UBE3C: variants seen among roughly 807,000 people sequenced by gnomAD.
UBE3C encodes ubiquitin-protein ligase E3C.
UBE3C carries 42 observed loss-of-function variants against 129.4 expected under a neutral mutation model. The ratio of observed to expected loss-of-function variants is 0.32; its 90% CI spans 0.25 to 0.42. UBE3C has a LOEUF of 0.42. Among genes scored for constraint, UBE3C ranks in the 10% least tolerant of loss-of-function variants. UBE3C has a pLI of 1.00. For missense variants in UBE3C, 1,049 were observed against 1,319.1 expected, an observed-to-expected ratio of 0.80 and a Z score of 3.17; for synonymous variants, 510 against 492.4, an observed-to-expected ratio of 1.04 and a Z score of -0.47.
rs760355390 is a variant in UBE3C at position 157,225,472 on chromosome 7, A to G, written c.2166A>G (p.Gly722=). 6.2e-7 allele frequency: 1 copy of G among 1,604,924 alleles called. No individual in the cohort carries two copies. The highest frequency in any genetic ancestry group is 8.5e-7 in the Non-Finnish European group (1 of 1,177,822). The change falls in exon 17 of 23, where the codon GGA becomes GGG. Residue 722 remains glycine, a synonymous_variant. Transcript: ENST00000348165. ...AAGGAGATGGTCCATTTCTGGATGG[A>G]ATTAATGTCACAATAAGAAGAAATT... is the stretch of plus-strand genomic sequence containing the variant. ...EVQGDGPFLD[G]INVTIRRNYI... is the part of the protein sequence containing the mutation.
At chr7:157,240,180 A>G (rs377294099) in intron 18 of UBE3C, among the ~76,000 whole-genome samples, 1 of 151,926 alleles carries the variant, frequency 6.6e-6, no homozygotes, top group Non-Finnish European at 1.5e-5. Context: ...TCAGCCTCCC[A>G]AGTAACTGGG....
At chr7:157,201,331 AT>A (rs2116986125) in intron 10 of UBE3C, among the ~76,000 whole-genome samples, 1 of 152,318 alleles carries the variant, frequency 6.6e-6, no homozygotes, top group East Asian at 1.9e-4. Context: ...CTCAAAAAAA[AT>A]AAAAAGAAAA....
At chr7:157,206,065 G>A (rs916049901) in intron 11 of UBE3C, among the ~76,000 whole-genome samples, 79 of 152,320 alleles carry the variant, frequency 5.2e-4, no homozygotes, top group Admixed American at 3.7e-3. Context: ...GGAGATAAGA[G>A]AGTGATCTTG....
intron 18 of UBE3C, among the ~76,000 whole-genome samples, chr7:157,247,457 C>T (rs1262292418): frequency 1.3e-5 from 2 of 152,102 alleles, no homozygotes; most frequent in Non-Finnish European, 2.9e-5. Context: ...TCTGGGAGGC[C>T]GAAGTGGGTG....
At chr7:157,220,973 A>G in intron 15 of UBE3C, 197 bp downstream of exon 15, 1 of 545,792 alleles carries the variant, frequency 1.8e-6, no homozygotes. Context: ...GCAGCCACCC[A>G]TTTCTGTTTT....
At chr7:157,216,846 G>A (rs745849593) in intron 13 of UBE3C, 21 bp from the exon 14 acceptor site, 22 of 1,588,272 alleles carry the variant, frequency 1.4e-5, no homozygotes, top group African/African-American at 6.7e-5. Flanking sequence ...TGTGTGACGC[G>A]GATATGTTCT....
At chr7:157,184,854 T>TA (rs1190923026) in intron 9 of UBE3C, among the ~76,000 whole-genome samples, 1 of 152,078 alleles carries the variant, frequency 6.6e-6, no homozygotes, top group Non-Finnish European at 1.5e-5. Flanking sequence ...TGATTTTTTT[T>TA]AAAAAATAAG....
intron 17 of UBE3C, among the ~76,000 whole-genome samples, chr7:157,229,207 A>T (rs2116632380): frequency 6.6e-6 from 1 of 152,328 alleles, no homozygotes; most frequent in African/African-American, 2.4e-5. Flanking sequence ...TCTTAGGGAA[A>T]GATAAAGGAC....
chr7:157,177,429 G>A (rs1369383525), intron 5 of UBE3C, among the ~76,000 whole-genome samples: 4 of 152,156 alleles, frequency 2.6e-5, no homozygotes, highest in Non-Finnish European at 1.5e-5. Context: ...TCTCTCACAC[G>A]AGGCACCGTT....
At chr7:157,219,625 G>A (rs2116608484) in intron 14 of UBE3C, among the ~76,000 whole-genome samples, 2 of 152,272 alleles carry the variant, frequency 1.3e-5, no homozygotes, top group Middle Eastern at 6.8e-3. Flanking sequence ...AGGGTGGCTG[G>A]GCACGGAGGC....
intron 19 of UBE3C, among the ~76,000 whole-genome samples, chr7:157,249,461 C>A (rs892009441): frequency 6.6e-6 from 1 of 152,070 alleles, no homozygotes; most frequent in Admixed American, 6.6e-5. Context: ...GATTACAATG[C>A]GCCACCACGC....
chr7:157,229,182 G>A lies in UBE3C; in HGVS notation c.2234-1898G>A, dbSNP rs181415424. Among the ~76,000 whole-genome samples, 37 of 152,168 alleles carry A rather than the reference G, an allele frequency of 2.4e-4. 1 individual carries two copies. The highest frequency in any genetic ancestry group is 1.3e-4 in the Non-Finnish European group (9 of 68,028). On this transcript the variant is annotated intron_variant, in intron 17 of 22. Coordinates refer to ENST00000348165, the MANE Select transcript of UBE3C (RefSeq NM_014671.3). ...TCCTTCCCCCTATCTTTTCTGCAAAGCACCTGTAGAACATTCTTAGGGAAA... is the reference window on the plus strand; with the variant it reads ...TCCTTCCCCCTATCTTTTCTGCAAAACACCTGTAGAACATTCTTAGGGAAA...
Position 157,183,821 on chromosome 7 carries a change from T to C in UBE3C, c.992-57T>C, listed in dbSNP as rs1267445382. The C allele has an allele frequency of 8.3e-6, 13 of 1,560,320 alleles. No individual in the cohort carries two copies. The East Asian group carries it at 2.3e-4, about 27-fold the overall frequency. ...GTGAGGAAAAATGGCGTCTTCGTTT[T>C]CCATTTTAAAAAATAATGTTTAACT... is the stretch of plus-strand genomic sequence containing the variant. On this transcript the variant is annotated intron_variant, in intron 8 of 22. Transcript: ENST00000348165.
intron 10 of UBE3C, among the ~76,000 whole-genome samples, chr7:157,194,902 T>C (rs970036991): frequency 6.6e-6 from 1 of 152,180 alleles, no homozygotes; most frequent in African/African-American, 2.4e-5. Context: ...TTGCTGATTA[T>C]GGTAAAATAT....
At chr7:157,264,244 C>G (rs1300050517) in intron 22 of UBE3C, among the ~76,000 whole-genome samples, 4 of 148,426 alleles carry the variant, frequency 2.7e-5, no homozygotes, top group Non-Finnish European at 6.0e-5. Flanking sequence ...CTGTTACACA[C>G]ACACACACAC....
chr7:157,144,188 C>A (rs1368674766), intron 1 of UBE3C, among the ~76,000 whole-genome samples: 1 of 152,212 alleles, frequency 6.6e-6, no homozygotes, highest in Non-Finnish European at 1.5e-5. Context: ...ATCTGCCACA[C>A]CGAAGACTGA....
intron 1 of UBE3C, among the ~76,000 whole-genome samples, chr7:157,142,854 A>AT (rs10714296): frequency 0.013 from 1,806 of 142,002 alleles, 12 homozygotes; most frequent in African/African-American, 0.023. Flanking sequence ...TAAAAGTTGA[A>AT]TTTTTTTTTT....
At chr7:157,242,537 T>TTTTTTA (rs1554436967) in intron 18 of UBE3C, among the ~76,000 whole-genome samples, 1 of 140,572 alleles carries the variant, frequency 7.1e-6, no homozygotes, top group Non-Finnish European at 1.6e-5. Flanking sequence ...TTTTTTTTTT[T>TTTTTTA]AAATTCCTAC....
chr7:157,139,995 G>A (rs1217796496), intron 1 of UBE3C: 2 of 985,334 alleles, frequency 2.0e-6, no homozygotes, highest in Admixed American at 6.1e-5. Flanking sequence ...CATCTGTTGT[G>A]ATCGACATTA....
Sources: gnomAD v4.1 joint callset for allele counts (sites outside exome capture counted in the v4.1 genomes callset) on GRCh38, gnomAD v4.1.1 for gene constraint, MANE v1.5 for transcripts, NCBI Gene and HGNC (gene_info 2026-07-23, HGNC 2026-07-21) for gene names.